GATB: variants seen among roughly 807,000 people sequenced by gnomAD.
The protein encoded by GATB is glutamyl-tRNA(Gln) amidotransferase subunit B, mitochondrial.
GATB carries 39 observed loss-of-function variants against 62.3 expected under a neutral mutation model. That is an observed-to-expected ratio of 0.63 (90% CI 0.48 to 0.82). The LOEUF (loss-of-function observed/expected upper bound fraction) is 0.82, where lower values mean the gene tolerates loss of function less well. GATB is among the 40% of genes least tolerant of loss of function. The pLI is 0.00. For synonymous variants in GATB, 276 were observed against 258.9 expected (o/e 1.07, Z -0.63); for missense variants, 670 against 684.0 (o/e 0.98, Z 0.23).
intron 7 of GATB, among the ~76,000 whole-genome samples, chr4:151,704,894 A>C (rs1227066907): frequency 6.7e-6 from 1 of 149,380 alleles, no homozygotes; most frequent in African/African-American, 2.5e-5. Context: ...GACTACAGGC[A>C]CCCATCACCA....
intron 5 of GATB, among the ~76,000 whole-genome samples, chr4:151,710,073 A>G (rs1025395847): frequency 1.7e-4 from 26 of 152,216 alleles, no homozygotes; most frequent in African/African-American, 5.3e-4. Flanking sequence ...AGCCCTCCTC[A>G]GCAAGCTGGC....
At chr4:151,694,998 G>A (rs1279769617) in intron 9 of GATB, among the ~76,000 whole-genome samples, 1 of 152,216 alleles carries the variant, frequency 6.6e-6, no homozygotes, top group East Asian at 1.9e-4. Context: ...CAGCTGGAGA[G>A]AATGAAGTTG....
At chr4:151,685,571 C>T (rs4696287) in intron 10 of GATB, among the ~76,000 whole-genome samples, 63,750 of 151,816 alleles carry the variant, frequency 0.42, 13,890 homozygotes, top group South Asian at 0.57. Flanking sequence ...GCTGTTCCTG[C>T]ACCTGGGCTC....
chr4:151,682,163 G>A (rs1245957929), intron 10 of GATB, among the ~76,000 whole-genome samples: 2 of 152,144 alleles, frequency 1.3e-5, no homozygotes, highest in Non-Finnish European at 2.9e-5. Context: ...TTCCACTGAC[G>A]TAATCACACT....
At chr4:151,708,377 T>C (rs549400135) in intron 5 of GATB, among the ~76,000 whole-genome samples, 8 of 152,362 alleles carry the variant, frequency 5.3e-5, no homozygotes, top group African/African-American at 1.7e-4. Flanking sequence ...AGAGAAGTTT[T>C]AGATTCGCCA....
intron 5 of GATB, among the ~76,000 whole-genome samples, chr4:151,709,794 A>G (rs986686576): frequency 6.6e-6 from 1 of 152,066 alleles, no homozygotes; most frequent in Non-Finnish European, 1.5e-5. Context: ...GTCTGGGTTC[A>G]TCATTCCTGC....
intron 9 of GATB, among the ~76,000 whole-genome samples, chr4:151,692,159 C>T (rs1206740215): frequency 3.9e-5 from 6 of 152,322 alleles, no homozygotes; most frequent in South Asian, 2.1e-4. Context: ...TCTCTGAGCT[C>T]AGCGCTCTCA....
At position 151,715,852 on chromosome 4, in the gene GATB, A is replaced by AAAC. The variant is rs565097850; in HGVS notation, c.763+154_763+156dup. Among the ~76,000 whole-genome samples, 251 of 152,306 alleles carry AAAC rather than the reference A, an allele frequency of 1.6e-3. 2 individuals are homozygous for AAAC. The highest frequency in any genetic ancestry group is 4.0e-3 in the Admixed American group (61 of 15,300). On this transcript the variant is annotated intron_variant, in intron 5 of 12. Coordinates refer to ENST00000263985, the MANE Select transcript of GATB (RefSeq NM_004564.3). Reference sequence around the variant, plus strand: ...GAAAATTCTAAACAAACAAACAAACAAACAACAACAACAAAAAAACAGGGT... The same window carrying AAAC: ...GAAAATTCTAAACAAACAAACAAACAAACAACAACAACAACAAAAAAACAGGGT...
chr4:151,704,015 T>TG (rs1388579105), intron 7 of GATB, 120 bp from the exon 8 acceptor site: 14 of 645,682 alleles, frequency 2.2e-5, no homozygotes, highest in Non-Finnish European at 3.9e-5. Flanking sequence ...TGGACTTCCA[T>TG]GGGGAAACCT....
intron 8 of GATB, among the ~76,000 whole-genome samples, 179 bp from the exon 9 acceptor site, chr4:151,701,697 C>T (rs2126968930): frequency 6.6e-6 from 1 of 152,258 alleles, no homozygotes; most frequent in African/African-American, 2.4e-5. Flanking sequence ...AGTGTCAAAA[C>T]CTCCAAACCC....
chr4:151,711,776 C>G (rs994891814), intron 5 of GATB, among the ~76,000 whole-genome samples: 1 of 152,194 alleles, frequency 6.6e-6, no homozygotes, highest in Non-Finnish European at 1.5e-5. Flanking sequence ...AGAGTTGGGT[C>G]TGGCACTTGG....
At chr4:151,726,961 G>A (rs1739149644) in intron 2 of GATB, among the ~76,000 whole-genome samples, 1 of 152,154 alleles carries the variant, frequency 6.6e-6, no homozygotes. Flanking sequence ...CTGTCGTCCA[G>A]GTTGGAGTGC....
intron 8 of GATB, 172 bp downstream of exon 8, chr4:151,703,679 C>T (rs1738651239): frequency 3.2e-6 from 2 of 627,444 alleles, no homozygotes; most frequent in East Asian, 2.8e-5. Context: ...GAAACTAGTA[C>T]TTCTCTCGGT....
chr4:151,739,347 C>T (rs1400254602), intron 2 of GATB, among the ~76,000 whole-genome samples: 2 of 152,178 alleles, frequency 1.3e-5, no homozygotes, highest in African/African-American at 4.8e-5. Flanking sequence ...GGAGCCCAGC[C>T]TGACTACCTA....
At chr4:151,741,129 T>A (rs1006787588) in intron 2 of GATB, among the ~76,000 whole-genome samples, 17 of 152,108 alleles carry the variant, frequency 1.1e-4, no homozygotes, top group Non-Finnish European at 2.2e-4. Context: ...TATAGACTAT[T>A]TTTTTTCCTA....
chr4:151,754,377 A>ACT (rs1739780541), intron 2 of GATB, among the ~76,000 whole-genome samples: 1 of 152,124 alleles, frequency 6.6e-6, no homozygotes, highest in Non-Finnish European at 1.5e-5. Flanking sequence ...TACTCTTCCT[A>ACT]TGTGCTCCTC....
At chr4:151,674,521 C>G (rs1050521720) in intron 11 of GATB, 4 of 152,208 alleles carry the variant, frequency 2.6e-5, no homozygotes, top group African/African-American at 9.7e-5. Flanking sequence ...AAAGAGATCA[C>G]CGGAATTCCC....
intron 6 of GATB, 81 bp downstream of exon 6, chr4:151,707,907 A>T: frequency 1.1e-6 from 1 of 902,236 alleles, no homozygotes; most frequent in South Asian, 1.4e-5. Context: ...TGTGTAAGCC[A>T]CTAAGTTTCT....
intron 2 of GATB, among the ~76,000 whole-genome samples, chr4:151,725,089 C>T (rs1046611009): frequency 1.3e-5 from 2 of 152,222 alleles, no homozygotes; most frequent in African/African-American, 2.4e-5. Flanking sequence ...CAGCAGGAGG[C>T]CACTCCTATC....
Sources: gnomAD v4.1 joint callset for allele counts (sites outside exome capture counted in the v4.1 genomes callset) on GRCh38, gnomAD v4.1.1 for gene constraint, MANE v1.5 for transcripts, NCBI Gene and HGNC (gene_info 2026-07-23, HGNC 2026-07-21) for gene names.